CENPQ: variants seen among roughly 807,000 people sequenced by gnomAD.
CENPQ encodes the protein chromosome 6 open reading frame 139.
A neutral mutation model predicts 36.6 loss-of-function variants in CENPQ; 27 were observed. The ratio of observed to expected loss-of-function variants is 0.74; its 90% CI spans 0.54 to 1.02. The LOEUF (loss-of-function observed/expected upper bound fraction) is 1.02, where lower values mean the gene tolerates loss of function less well. Among genes scored for constraint, CENPQ ranks in the 50% least tolerant of loss-of-function variants. The probability of loss-of-function intolerance (pLI) is 0.00; values close to 1 mark genes in which losing one functional copy is unlikely to be tolerated. For synonymous variants in CENPQ, 101 were observed against 101.7 expected, an observed-to-expected ratio of 0.99 and a Z score of 0.04; for missense variants, 306 against 301.8, an observed-to-expected ratio of 1.01 and a Z score of -0.10.
chr6:49,470,298 T>A lies in CENPQ; in HGVS notation c.102+20T>A. On this transcript the variant is annotated intron_variant, in intron 2 of 8. Transcript: ENST00000335783. Reference sequence around the variant, plus strand: ...AATAAGGTAATGAAAATATCAAGTTTCTCATTTAGAAATCTTCAACTGTGG... The same window carrying A: ...AATAAGGTAATGAAAATATCAAGTTACTCATTTAGAAATCTTCAACTGTGG... 2 of 1,481,308 alleles carry A rather than the reference T, an allele frequency of 1.4e-6. No homozygotes were observed. Among genetic ancestry groups the A allele is most frequent in the Non-Finnish European group, 1.9e-6 (2 of 1,068,408 alleles). The allele number at this position is 1,481,308 out of a possible 1,614,324, so 91.8% of individuals were successfully genotyped here.
At chr6:49,466,176 A>G (rs1767995294) in intron 1 of CENPQ, among the ~76,000 whole-genome samples, 1 of 152,172 alleles carries the variant, frequency 6.6e-6, no homozygotes, top group African/African-American at 2.4e-5. Context: ...ACACAACGCA[A>G]CATTTACCTA....
intron 6 of CENPQ, among the ~76,000 whole-genome samples, chr6:49,484,942 G>C (rs1158542542): frequency 6.6e-6 from 1 of 152,168 alleles, no homozygotes; most frequent in African/African-American, 2.4e-5. Context: ...CATCAGTTAA[G>C]GGTGTTCTGA....
intron 1 of CENPQ, among the ~76,000 whole-genome samples, chr6:49,465,572 G>A (rs1352261126): frequency 6.6e-6 from 1 of 152,174 alleles, no homozygotes. Context: ...ACCTAGAACT[G>A]GATAACTTGC....
chr6:49,476,039 A>C (rs1272546449), intron 5 of CENPQ, among the ~76,000 whole-genome samples: 1 of 152,132 alleles, frequency 6.6e-6, no homozygotes, highest in Admixed American at 6.5e-5. Context: ...CCATCAAGCT[A>C]CCAATGACTT....
chr6:49,491,169 A>G (rs1440408352), intron 8 of CENPQ, among the ~76,000 whole-genome samples: 1 of 152,204 alleles, frequency 6.6e-6, no homozygotes, highest in Non-Finnish European at 1.5e-5. Flanking sequence ...ATATGAAAAC[A>G]TTATGTCCTA....
At chr6:49,475,334 C>A (rs184562934) in intron 5 of CENPQ, among the ~76,000 whole-genome samples, 2 of 152,308 alleles carry the variant, frequency 1.3e-5, no homozygotes, top group East Asian at 1.9e-4. Flanking sequence ...ACATGATTAT[C>A]TCACTAGATG....
Position 49,493,015 on chromosome 6 carries a change from A to G in CENPQ, c.*740A>G, listed in dbSNP as rs540535000. Reference sequence around the variant, plus strand: ...ATGTGAATAAGTTATAACCTAGTGTATAAAAAATTATTTCTAACAAACTAC... The same window carrying G: ...ATGTGAATAAGTTATAACCTAGTGTGTAAAAAATTATTTCTAACAAACTAC... On this transcript the variant is annotated 3_prime_UTR_variant, in exon 9 of 9. Transcript: ENST00000335783. The G allele has an allele frequency of 6.6e-6, 1 of 151,696 alleles. No homozygotes were observed. The highest frequency in any genetic ancestry group is 2.4e-5 in the African/African-American group (1 of 41,352). 9.4% of individuals were successfully genotyped at this position (151,696 alleles called of 1,614,324 possible). A position where few individuals can be genotyped will look rare whatever the true frequency, so the allele number is the denominator to read the frequency against.
intron 5 of CENPQ, among the ~76,000 whole-genome samples, chr6:49,475,518 CAG>C (rs1315707218): frequency 1.3e-5 from 2 of 152,200 alleles, no homozygotes; most frequent in Non-Finnish European, 2.9e-5. Flanking sequence ...TGGCACAAGA[CAG>C]GGATGCCCTC....
chr6:49,482,294 C>T lies in CENPQ; in HGVS notation c.477+1214C>T, dbSNP rs573532218. On this transcript the variant is annotated intron_variant, in intron 6 of 8. Coordinates refer to ENST00000335783, the MANE Select transcript of CENPQ (RefSeq NM_018132.4). ...CACAGTGCAGCGGTGGGCTGAAGGG[C>T]TCCTCAAGTGCCACCAAAGTGGGAG... Among the ~76,000 whole-genome samples the T allele has an allele frequency of 6.0e-4, 92 of 152,220 alleles. 1 individual carries two copies. Among genetic ancestry groups the T allele is most frequent in the Non-Finnish European group, 1.2e-3 (85 of 68,040 alleles).
intron 1 of CENPQ, among the ~76,000 whole-genome samples, chr6:49,464,392 G>C (rs2127422204): frequency 6.6e-6 from 1 of 152,306 alleles, no homozygotes; most frequent in African/African-American, 2.4e-5. Context: ...GTTGATGGCT[G>C]TTGACCAATC....
At chr6:49,464,962 C>T (rs1395651232) in intron 1 of CENPQ, among the ~76,000 whole-genome samples, 1 of 152,236 alleles carries the variant, frequency 6.6e-6, no homozygotes, top group African/African-American at 2.4e-5. Context: ...GATGGTGAAT[C>T]ATTTCCAGAA....
chr6:49,481,127 G>A (rs1342251110), intron 6 of CENPQ, 47 bp downstream of exon 6: 1 of 1,474,430 alleles, frequency 6.8e-7, no homozygotes, highest in Non-Finnish European at 9.1e-7. Context: ...TTAGGGAAAG[G>A]GAAGAAGACC....
chr6:49,473,793 G>C (rs911357299), intron 5 of CENPQ, among the ~76,000 whole-genome samples: 2 of 152,034 alleles, frequency 1.3e-5, no homozygotes, highest in East Asian at 3.9e-4. Flanking sequence ...GCAGAGATAC[G>C]CATAGGCTCA....
At position 49,472,141 on chromosome 6, in the gene CENPQ, GTACCAGAGACCAT is replaced by G; in HGVS notation, c.238_250del (p.Thr80CysfsTer4). The stretch of plus-strand genomic sequence containing the variant: ...AAAACCTGGCAACCTCTGTCAAAGA[GTACCAGAGACCAT>G]TTGCAAACTATGATGGAATCAGTAA... On this transcript the variant is annotated frameshift_variant, in exon 4 of 9. Transcript: ENST00000335783. LOFTEE classifies it high-confidence loss of function. 1.2e-6 allele frequency: 2 copies of G among 1,612,578 alleles called. No individual in the cohort carries two copies. The highest frequency in any genetic ancestry group is 2.7e-5 in the African/African-American group (2 of 74,944).
chr6:49,465,982 G>T (rs1767990776), intron 1 of CENPQ, among the ~76,000 whole-genome samples: 1 of 152,122 alleles, frequency 6.6e-6, no homozygotes, highest in African/African-American at 2.4e-5. Flanking sequence ...ACCTCACCTT[G>T]CTTAAACATT....
Position 49,487,168 on chromosome 6 carries a change from A to ACTGGCCAATATGTATATGGGTGTTCATG in CENPQ, c.478-1184_478-1183insCTGGCCAATATGTATATGGGTGTTCATG, listed in dbSNP as rs1561970335. 2.8e-5 allele frequency among the ~76,000 whole-genome samples: 2 copies of ACTGGCCAATATGTATATGGGTGTTCATG among 72,214 alleles called. 1 individual carries two copies. The highest frequency in any genetic ancestry group is 6.6e-5 in the Non-Finnish European group (2 of 30,496). 47.4% of individuals were successfully genotyped at this position (72,214 alleles called of 152,430 possible). A position where few individuals can be genotyped will look rare whatever the true frequency, so the allele number is the denominator to read the frequency against. ...AACTCCATCTCAAAAAAAAAAAAAA[A>ACTGGCCAATATGTATATGGGTGTTCATG]ATAAAAAAAATAAAAACAGAGTCTG... On this transcript the variant is annotated intron_variant, in intron 6 of 8. Transcript: ENST00000335783.
chr6:49,471,915 A>AT, intron 3 of CENPQ, 148 bp from the exon 4 acceptor site: 2 of 781,922 alleles, frequency 2.6e-6, no homozygotes, highest in Non-Finnish European at 3.7e-6. Flanking sequence ...CAGCTGTGTG[A>AT]TAAAAAGTAA....
chr6:49,468,129 G>A (rs1768044473), intron 1 of CENPQ, among the ~76,000 whole-genome samples: 1 of 152,060 alleles, frequency 6.6e-6, no homozygotes, highest in South Asian at 2.1e-4. Flanking sequence ...ACTAGGCAGG[G>A]CTTGCTCATG....
At chr6:49,464,998 C>A (rs1373872283) in intron 1 of CENPQ, among the ~76,000 whole-genome samples, 26 of 152,220 alleles carry the variant, frequency 1.7e-4, no homozygotes, top group Admixed American at 1.7e-3. Flanking sequence ...TGCCCAGATC[C>A]ATCAGAGGAA....
Sources: gnomAD v4.1 joint callset for allele counts (sites outside exome capture counted in the v4.1 genomes callset) on GRCh38, gnomAD v4.1.1 for gene constraint, MANE v1.5 for transcripts, NCBI Gene and HGNC (gene_info 2026-07-23, HGNC 2026-07-21) for gene names.